The following VPS8 variants were observed in gnomAD, a reference collection of about 807,000 sequenced individuals.
VPS8 encodes the protein VPS8 subunit of CORVET complex, also known as vacuolar protein sorting-associated protein 8 homolog.
Under a neutral mutation model 216.4 loss-of-function variants are expected in VPS8, and 129 were observed. The ratio of observed to expected loss-of-function variants is 0.60; its 90% confidence interval spans 0.52 to 0.69. The LOEUF (loss-of-function observed/expected upper bound fraction) is 0.69, where lower values mean the gene tolerates loss of function less well. Among genes scored for constraint, VPS8 ranks in the 30% least tolerant of loss-of-function variants. The pLI is 0.00. For missense variants in VPS8, 1,531 were observed against 1,683.5 expected, an observed-to-expected ratio of 0.91 and a Z score of 1.59; for synonymous variants, 571 against 565.4, an observed-to-expected ratio of 1.01 and a Z score of -0.14.
chr3:185,042,239 C>T (rs1711814661), intron 46 of VPS8, among the ~76,000 whole-genome samples: 1 of 152,166 alleles, frequency 6.6e-6, no homozygotes, highest in Non-Finnish European at 1.5e-5. Flanking sequence ...CCTTTAGAGA[C>T]TTTTGAGGTT....
Position 184,862,910 on chromosome 3 carries a change from G to T in VPS8, c.1238G>T (p.Arg413Leu). ...DLINFTWINSRTVVLLDSVEK... is the reference protein window; with the variant it reads ...DLINFTWINSLTVVLLDSVEK... ...CTTGAATTACAGTGGATAAATTCAC[G>T]CACAGTTGTGCTCTTAGACAGCGTA... The change falls in exon 16 of 48, where the codon CGC (arginine) becomes CTC (leucine). Residue 413 changes from arginine to leucine, a missense_variant. Arg to Leu is a moderately radical substitution (Grantham distance 102). Around this residue, in one of 3 missense-constraint regions of VPS8, gnomAD observed 1,318 missense variants for 1,468.4 expected, o/e 0.90. Transcript: ENST00000625842. 1 of 1,611,306 alleles carries T rather than the reference G, an allele frequency of 6.2e-7. No homozygotes were observed. The highest frequency in any genetic ancestry group is 8.5e-7 in the Non-Finnish European group (1 of 1,178,440).
rs141285327 is a variant in VPS8 at position 184,833,279 on chromosome 3, A to C, written c.353+460A>C. Among the ~76,000 whole-genome samples the C allele has an allele frequency of 4.7e-3, 719 of 152,304 alleles. 2 individuals carry two copies. The highest frequency in any genetic ancestry group is 8.6e-3 in the Non-Finnish European group (587 of 68,020). On this transcript the variant is annotated intron_variant, in intron 4 of 47. Transcript: ENST00000625842. Reference sequence around the variant, plus strand: ...GGACTTCTAACCCTAAATAACTTAAATTTGGGCTGCTTTTCACCTTCCAAG... The same window carrying C: ...GGACTTCTAACCCTAAATAACTTAACTTTGGGCTGCTTTTCACCTTCCAAG...
intron 36 of VPS8, among the ~76,000 whole-genome samples, chr3:184,956,905 A>G (rs1335382398): frequency 6.6e-6 from 1 of 152,158 alleles, no homozygotes. Flanking sequence ...CCTGGTACCT[A>G]CCCCTCACAG....
intron 22 of VPS8, among the ~76,000 whole-genome samples, chr3:184,889,661 T>C (rs1423619088): frequency 6.6e-6 from 1 of 152,102 alleles, no homozygotes; most frequent in Non-Finnish European, 1.5e-5. Context: ...TTGGGTTCTA[T>C]TCTAATAGGA....
At chr3:184,829,325 T>TGCCTCA (rs777317741) in intron 3 of VPS8, among the ~76,000 whole-genome samples, 31 of 152,314 alleles carry the variant, frequency 2.0e-4, no homozygotes, top group African/African-American at 6.5e-4. Flanking sequence ...GTGATTCTCG[T>TGCCTCA]GCCTCAGCCT....
chr3:184,888,872 A>C (rs1456051733), intron 22 of VPS8, among the ~76,000 whole-genome samples: 2 of 152,198 alleles, frequency 1.3e-5, no homozygotes, highest in Non-Finnish European at 2.9e-5. Flanking sequence ...GAACTGATGA[A>C]GTAATTCTGC....
Position 184,850,028 on chromosome 3 carries a change from A to T in VPS8, c.753+6A>T. ...CAGCAATATTGCATATCAAGGTAAG[A>T]GCTTTATTTTCTTTTCCTAATAATT... On this transcript the variant is annotated splice_donor_region_variant and intron_variant, in intron 10 of 47. Transcript: ENST00000625842. 3.1e-6 allele frequency: 5 copies of T among 1,592,870 alleles called. No individual in the cohort carries two copies. The highest frequency in any genetic ancestry group is 4.3e-6 in the Non-Finnish European group (5 of 1,173,308).
intron 23 of VPS8, among the ~76,000 whole-genome samples, chr3:184,895,459 A>G (rs1733206734): frequency 6.6e-6 from 1 of 151,900 alleles, no homozygotes; most frequent in South Asian, 2.1e-4. Flanking sequence ...TGTTTGATAA[A>G]TACTTCCGCT....
intron 21 of VPS8, chr3:184,882,393 A>G (rs1360311006): frequency 2.2e-6 from 1 of 455,286 alleles, no homozygotes; most frequent in South Asian, 1.6e-5. Flanking sequence ...TGAATATTGA[A>G]CCAGTCTTGC....
chr3:184,949,310 A>G (rs1432189863), intron 36 of VPS8, among the ~76,000 whole-genome samples: 1 of 151,990 alleles, frequency 6.6e-6, no homozygotes, highest in African/African-American at 2.4e-5. Flanking sequence ...AAAAAAAAAG[A>G]TTTGAAAAGT....
chr3:185,003,171 T>TTA (rs397705285), intron 45 of VPS8, among the ~76,000 whole-genome samples: 237 of 144,458 alleles, frequency 1.6e-3, no homozygotes, highest in African/African-American at 5.3e-3. Context: ...TTTTTTTTTT[T>TTA]AATTGATCAT....
At position 185,048,551 on chromosome 3, in the gene VPS8, A is replaced by T. The variant is rs199635532; in HGVS notation, c.4129A>T (p.Ser1377Cys). 6.2e-7 allele frequency: 1 copy of T among 1,613,884 alleles called. No homozygotes were observed. The highest frequency in any genetic ancestry group is 8.5e-7 in the Non-Finnish European group (1 of 1,179,866). The change falls in exon 47 of 48, where the codon AGC becomes TGC. Residue 1377 changes from serine to cysteine, a missense_variant. Around this residue, in one of 3 missense-constraint regions of VPS8, gnomAD observed 1,318 missense variants for 1,468.4 expected, o/e 0.90. Transcript: ENST00000625842. The part of the protein sequence containing the change: ...FDQLCRLYRG[S>C]SRLALLTELS... ...TCAGCTTTGCCGTCTCTACCGAGGA[A>T]GCTCCAGGGTAATGTTTGCGTGGTT...
intron 15 of VPS8, among the ~76,000 whole-genome samples, chr3:184,861,185 T>A (rs938299481): frequency 1.3e-5 from 2 of 152,180 alleles, no homozygotes; most frequent in South Asian, 2.1e-4. Flanking sequence ...TCTCAAATGG[T>A]TCGTTAATTT....
At chr3:185,041,371 A>G (rs1455940607) in intron 46 of VPS8, among the ~76,000 whole-genome samples, 1 of 151,490 alleles carries the variant, frequency 6.6e-6, no homozygotes, top group Non-Finnish European at 1.5e-5. Context: ...GTTCCCACTC[A>G]GATTGTCATA....
Position 184,983,079 on chromosome 3 carries a change from G to A in VPS8, c.3570G>A (p.Leu1190=). The part of the protein sequence containing the change: ...MAAFIALPSI[L]QRILQDPVYG... ...CATTTATTGCCCTTCCATCAATCTT[G>A]CAAAGAATCTTACAGGTGAGTTAAA... The change falls in exon 42 of 48, where the codon TTG becomes TTA. Residue 1190 remains leucine (L), a synonymous_variant. Coordinates refer to ENST00000625842, the MANE Select transcript of VPS8 (RefSeq NM_001009921.3). 6.2e-7 allele frequency: 1 copy of A among 1,607,360 alleles called. No individual in the cohort carries two copies. Among genetic ancestry groups the A allele is most frequent in the Non-Finnish European group, 8.5e-7 (1 of 1,176,334 alleles).
At chr3:185,036,936 C>G (rs927252328) in intron 46 of VPS8, among the ~76,000 whole-genome samples, 1 of 152,002 alleles carries the variant, frequency 6.6e-6, no homozygotes, top group Admixed American at 6.6e-5. Context: ...TACATTTCTA[C>G]ATATTATAAG....
chr3:185,005,467 A>G (rs1047316998), intron 45 of VPS8, among the ~76,000 whole-genome samples: 1 of 152,128 alleles, frequency 6.6e-6, no homozygotes, highest in African/African-American at 2.4e-5. Context: ...TTTTGGCAGT[A>G]TGGTCATTTT....
chr3:184,913,363 C>T (rs894656543), intron 25 of VPS8, among the ~76,000 whole-genome samples, 156 bp from the exon 26 acceptor site: 4 of 152,162 alleles, frequency 2.6e-5, no homozygotes, highest in African/African-American at 7.2e-5. Flanking sequence ...AATGGAAACT[C>T]AAAAGCCAAT....
chr3:184,852,804 A>G (rs1724562653), intron 11 of VPS8, among the ~76,000 whole-genome samples: 1 of 152,124 alleles, frequency 6.6e-6, no homozygotes, highest in African/African-American at 2.4e-5. Flanking sequence ...TCCCCAGAAG[A>G]TTCTTATATG....
Sources: allele counts gnomAD v4.1 joint callset (sites outside exome capture counted in the v4.1 genomes callset), GRCh38; gene constraint gnomAD v4.1.1; regional missense constraint gnomAD v4.1.1; transcripts MANE v1.5; gene names NCBI Gene and HGNC (gene_info 2026-07-23, HGNC 2026-07-21).